The following AP4E1 variants were observed in gnomAD, a reference collection of about 807,000 sequenced individuals.
The protein encoded by AP4E1 is AP-4 complex subunit epsilon-1.
AP4E1 carries 56 observed loss-of-function variants against 128.2 expected under a neutral mutation model. The observed-to-expected ratio is 0.44, with a 90% CI of 0.35 to 0.55. The LOEUF is 0.55. Ranked by LOEUF, AP4E1 falls within the 20% of genes least tolerant of loss-of-function variation. The pLI is 0.00. For synonymous variants in AP4E1, 484 were observed against 473.1 expected (o/e 1.02, Z -0.30); for missense variants, 1,324 against 1,307.7 (o/e 1.01, Z -0.19).
intron 2 of AP4E1, among the ~76,000 whole-genome samples, chr15:50,914,587 G>T (rs188235987): frequency 3.0e-4 from 44 of 148,854 alleles, no homozygotes; most frequent in Admixed American, 7.5e-4. Flanking sequence ...GTAGGTGGAG[G>T]CTGCGATGAG....
rs761528275 is a variant in AP4E1, at chr15:50,912,907, A to G, written c.222+758A>G. On this transcript the variant is annotated intron_variant, in intron 2 of 20. Coordinates refer to ENST00000261842, the MANE Select transcript of AP4E1 (RefSeq NM_007347.5). ...TCGCACTCCTGACCTCAAGCGATCCACCCACCTCAGCCTCCTAAATCAAAG... is the reference window on the plus strand; with the variant it reads ...TCGCACTCCTGACCTCAAGCGATCCGCCCACCTCAGCCTCCTAAATCAAAG... Among the ~76,000 whole-genome samples, 14 of 152,002 alleles carry G rather than the reference A, an allele frequency of 9.2e-5. 1 individual carries two copies. The highest frequency in any genetic ancestry group is 1.6e-4 in the Non-Finnish European group (11 of 67,996).
chr15:50,935,468 A>G (rs1192635153), intron 8 of AP4E1, among the ~76,000 whole-genome samples: 4 of 152,132 alleles, frequency 2.6e-5, no homozygotes. Context: ...AAAACTTCCA[A>G]TTTTAACAGC....
Position 50,908,804 on chromosome 15 carries a change from T to A in AP4E1, c.26T>A (p.Leu9Gln), listed in dbSNP as rs756349659. Residue 9 changes from leucine (L) to glutamine (Q), a missense_variant, in exon 1 of 21, where the codon CTG becomes CAG. Transcript: ENST00000261842. ...ATGAGCGACATAGTGGAGAAGACGCTGACGGCGCTGCCGGGACTCTTTCTG... is the reference window on the plus strand; with the variant it reads ...ATGAGCGACATAGTGGAGAAGACGCAGACGGCGCTGCCGGGACTCTTTCTG... The part of the protein sequence containing the change: MSDIVEKT[L>Q]TALPGLFLQN... 6.3e-7 allele frequency: 1 copy of A among 1,599,226 alleles called. No individual in the cohort carries two copies. The highest frequency in any genetic ancestry group is 1.1e-5 in the South Asian group (1 of 88,998).
intron 19 of AP4E1, among the ~76,000 whole-genome samples, chr15:50,999,670 A>C (rs1209498569): frequency 1.3e-5 from 2 of 152,152 alleles, no homozygotes; most frequent in African/African-American, 4.8e-5. Flanking sequence ...GCTTTAGAGA[A>C]ATGTAAGAAA....
intron 14 of AP4E1, 74 bp from the exon 15 acceptor site, chr15:50,968,189 A>G: frequency 9.8e-7 from 1 of 1,020,930 alleles, no homozygotes; most frequent in Non-Finnish European, 1.5e-6. Flanking sequence ...ATGGGCTGAA[A>G]TTATTTATGT....
At chr15:50,970,115 A>T (rs1030476443) in intron 15 of AP4E1, among the ~76,000 whole-genome samples, 8 of 152,086 alleles carry the variant, frequency 5.3e-5, no homozygotes, top group Non-Finnish European at 4.4e-5. Context: ...CCTAGCGCCT[A>T]GTATCCTCTA....
At chr15:50,911,862 G>A (rs1055124927) in intron 1 of AP4E1, among the ~76,000 whole-genome samples, 1 of 152,176 alleles carries the variant, frequency 6.6e-6, no homozygotes, top group Non-Finnish European at 1.5e-5. Flanking sequence ...GGAAGGATGG[G>A]TTAGCCTGGA....
chr15:50,934,753 A>T, intron 8 of AP4E1, 56 bp downstream of exon 8: 23 of 1,162,486 alleles, frequency 2.0e-5, no homozygotes, highest in Non-Finnish European at 3.0e-5. Flanking sequence ...TTAGTATTGC[A>T]GTTAAATCTG....
intron 4 of AP4E1, 35 bp downstream of exon 4, chr15:50,924,039 A>G (rs370712651): frequency 8.1e-5 from 123 of 1,519,234 alleles, no homozygotes; most frequent in Non-Finnish European, 1.1e-4. Flanking sequence ...ATGAAGTCAT[A>G]ATTCTTGTCA....
intron 10 of AP4E1, chr15:50,944,983 A>C: frequency 1.3e-6 from 1 of 766,934 alleles, no homozygotes; most frequent in Non-Finnish European, 2.4e-6. Flanking sequence ...ATACAAGCAC[A>C]TGAAGGCTTT....
At chr15:50,964,733 T>C (rs1016812378) in intron 14 of AP4E1, among the ~76,000 whole-genome samples, 6 of 152,170 alleles carry the variant, frequency 3.9e-5, no homozygotes, top group Non-Finnish European at 8.8e-5. Flanking sequence ...TTTCTTCAAC[T>C]GTAATCATAA....
At chr15:50,970,872 T>C (rs758297119) in intron 15 of AP4E1, among the ~76,000 whole-genome samples, 2 of 152,226 alleles carry the variant, frequency 1.3e-5, no homozygotes, top group Non-Finnish European at 2.9e-5. Flanking sequence ...AAGGTTATTA[T>C]TGATGGGCGA....
At chr15:50,945,853 A>G in intron 10 of AP4E1, 2 of 829,216 alleles carry the variant, frequency 2.4e-6, no homozygotes, top group South Asian at 2.8e-5. Flanking sequence ...ACATCTACCA[A>G]AATCTATCTA....
At position 51,003,793 on chromosome 15, in the gene AP4E1, A is replaced by G. The variant is rs2064991820; in HGVS notation, c.*1131A>G. On this transcript the variant is annotated 3_prime_UTR_variant, in exon 21 of 21. Coordinates refer to ENST00000261842, the MANE Select transcript of AP4E1 (RefSeq NM_007347.5). Reference sequence around the variant, plus strand: ...AATATTTATTATTTCACCTTTTCTGACACTTCACCATGGAGACTATTCAGG... The same window carrying G: ...AATATTTATTATTTCACCTTTTCTGGCACTTCACCATGGAGACTATTCAGG... The G allele has an allele frequency of 6.6e-6, 1 of 152,642 alleles. No individual in the cohort carries two copies. The highest frequency in any genetic ancestry group is 2.1e-4 in the South Asian group (1 of 4,826). The allele number at this position is 152,642 out of a possible 1,614,324, so 9.5% of individuals were successfully genotyped here.
chr15:50,993,241 TATA>T (rs2064826568), intron 16 of AP4E1, 126 bp from the exon 17 acceptor site: 1 of 923,808 alleles, frequency 1.1e-6, no homozygotes, highest in Non-Finnish European at 1.7e-6. Context: ...TTACTTCTGG[TATA>T]TAGAATATAA....
At chr15:50,915,310 G>T in intron 2 of AP4E1, 138 bp from the exon 3 acceptor site, 5 of 842,292 alleles carry the variant, frequency 5.9e-6, no homozygotes, top group Admixed American at 2.7e-5. Flanking sequence ...GTCTGATATT[G>T]GGTGATTAAT....
chr15:50,945,168 G>A, intron 10 of AP4E1: 1 of 869,510 alleles, frequency 1.2e-6, no homozygotes, highest in South Asian at 1.3e-5. Context: ...TAAAGAAGCT[G>A]TTTTTGCCAC....
intron 3 of AP4E1, among the ~76,000 whole-genome samples, chr15:50,919,944 G>T (rs1425255208): frequency 1.3e-5 from 2 of 151,764 alleles, no homozygotes; most frequent in Middle Eastern, 6.8e-3. Flanking sequence ...TTGTGTGGTG[G>T]TACATGCCTG....
intron 1 of AP4E1, 145 bp downstream of exon 1, chr15:50,909,073 G>A: frequency 1.5e-6 from 2 of 1,354,416 alleles, no homozygotes; most frequent in Non-Finnish European, 2.0e-6. Flanking sequence ...TCGTCCTTTC[G>A]TCTGCCTGGA....
Sources: allele counts gnomAD v4.1 joint callset (sites outside exome capture counted in the v4.1 genomes callset), GRCh38; gene constraint gnomAD v4.1.1; transcripts MANE v1.5; gene names NCBI Gene and HGNC (gene_info 2026-07-23, HGNC 2026-07-21).